The following GRIK4 variants were observed in gnomAD, a reference collection of about 807,000 sequenced individuals.
The protein encoded by GRIK4 is glutamate ionotropic receptor kainate type subunit 4.
Under a neutral mutation model 104.9 loss-of-function variants are expected in GRIK4, and 40 were observed. The observed-to-expected ratio is 0.38, with a 90% CI of 0.30 to 0.50. The LOEUF is 0.50. Among genes scored for constraint, GRIK4 ranks in the 20% least tolerant of loss-of-function variants. The pLI is 0.93. For synonymous variants in GRIK4, 485 were observed against 524.9 expected (o/e 0.92, Z 1.04); for missense variants, 1,047 against 1,308.1 (o/e 0.80, Z 3.08).
At chr11:120,546,040 C>T (rs146897175) in intron 1 of GRIK4, among the ~76,000 whole-genome samples, 17 of 152,250 alleles carry the variant, frequency 1.1e-4, no homozygotes, top group South Asian at 8.3e-4. Context: ...TTCTCCCCTT[C>T]GTGTCTCTGT....
At chr11:120,934,074 G>T (rs1368191124) in intron 13 of GRIK4, among the ~76,000 whole-genome samples, 1 of 151,980 alleles carries the variant, frequency 6.6e-6, no homozygotes. Flanking sequence ...GCATGGTGGC[G>T]GGCGCCTGTA....
At chr11:120,942,452 A>G (rs950524657) in intron 14 of GRIK4, among the ~76,000 whole-genome samples, 2 of 152,186 alleles carry the variant, frequency 1.3e-5, no homozygotes, top group African/African-American at 4.8e-5. Flanking sequence ...TAGCCACTCA[A>G]CTAGGCTCTG....
intron 3 of GRIK4, among the ~76,000 whole-genome samples, chr11:120,801,521 C>T (rs1183673365): frequency 1.3e-5 from 2 of 152,362 alleles, no homozygotes; most frequent in Non-Finnish European, 1.5e-5. Flanking sequence ...GCCATGCGTC[C>T]AGCCACACTT....
chr11:120,827,525 C>T (rs1033611801), intron 6 of GRIK4, among the ~76,000 whole-genome samples: 3 of 152,220 alleles, frequency 2.0e-5, no homozygotes, highest in African/African-American at 7.2e-5. Context: ...GGGAAGAGAG[C>T]AGCTTTTAAC....
chr11:120,986,025 G>A lies in GRIK4; in HGVS notation c.2636G>A (p.Arg879His), dbSNP rs756467292. 6 of 1,525,008 alleles carry A rather than the reference G, an allele frequency of 3.9e-6. No individual in the cohort carries two copies. Among genetic ancestry groups the A allele is most frequent in the Admixed American group, 2.1e-5 (1 of 47,566 alleles). 94.5% of individuals were successfully genotyped at this position (1,525,008 alleles called of 1,614,324 possible). The change falls in exon 21 of 21, where the codon CGC (arginine) becomes CAC (histidine). Residue 879 changes from arginine to histidine, a missense_variant. Around this residue, in one of 3 missense-constraint regions of GRIK4, gnomAD observed 160 missense variants for 140.9 expected, o/e 1.14. Coordinates refer to ENST00000527524, the MANE Select transcript of GRIK4 (RefSeq NM_014619.5). Reference sequence around the variant, plus strand: ...CCCCGGCCCCCCATCCCCGAGGAGCGCCGACCGCGGGGCACGGCGACGCTC... The same window carrying A: ...CCCCGGCCCCCCATCCCCGAGGAGCACCGACCGCGGGGCACGGCGACGCTC... ...PPPRPPIPEE[R>H]RPRGTATLSN... is the part of the protein sequence containing the mutation.
intron 13 of GRIK4, among the ~76,000 whole-genome samples, chr11:120,925,989 A>C (rs1943337113): frequency 6.6e-6 from 1 of 151,532 alleles, no homozygotes; most frequent in Non-Finnish European, 1.5e-5. Flanking sequence ...AAAAAAAAGA[A>C]AGAAAAAAAA....
intron 3 of GRIK4, among the ~76,000 whole-genome samples, chr11:120,668,950 A>G (rs531771567): frequency 1.3e-5 from 2 of 152,340 alleles, no homozygotes; most frequent in Non-Finnish European, 2.9e-5. Context: ...AGTAAGTGCT[A>G]TGAAAGTGAC....
At chr11:120,626,902 T>A (rs1435134933) in intron 1 of GRIK4, among the ~76,000 whole-genome samples, 1 of 152,170 alleles carries the variant, frequency 6.6e-6, no homozygotes, top group African/African-American at 2.4e-5. Context: ...CATGGCTTGA[T>A]GTGATTGACA....
rs143696398 is a variant in GRIK4 at position 120,930,522 on chromosome 11, T to C, written c.1477-9825T>C. Among the ~76,000 whole-genome samples, 635 of 152,238 alleles carry C rather than the reference T, an allele frequency of 4.2e-3. 7 individuals carry two copies. Among genetic ancestry groups the C allele is most frequent in the African/African-American group, 0.015 (603 of 41,534 alleles). On this transcript the variant is annotated intron_variant, in intron 13 of 20. Coordinates refer to ENST00000527524, the MANE Select transcript of GRIK4 (RefSeq NM_014619.5). Reference sequence around the variant, plus strand: ...AGAGAAGTTAAGGTCACGCAGCTCATAGGTGGCAGAGTTGGAGTGTGAGTC... The same window carrying C: ...AGAGAAGTTAAGGTCACGCAGCTCACAGGTGGCAGAGTTGGAGTGTGAGTC...
At chr11:120,607,169 G>C (rs1948972904) in intron 1 of GRIK4, among the ~76,000 whole-genome samples, 1 of 152,180 alleles carries the variant, frequency 6.6e-6, no homozygotes, top group African/African-American at 2.4e-5. Context: ...AGGAGGACAG[G>C]CTTCGGGGAG....
At chr11:120,626,090 G>A (rs529039143) in intron 1 of GRIK4, among the ~76,000 whole-genome samples, 1 of 152,198 alleles carries the variant, frequency 6.6e-6, no homozygotes, top group Non-Finnish European at 1.5e-5. Flanking sequence ...CAGATTCAAA[G>A]TGTCCCCCCG....
intron 3 of GRIK4, among the ~76,000 whole-genome samples, chr11:120,671,335 A>G (rs924454216): frequency 1.3e-5 from 2 of 152,188 alleles, no homozygotes; most frequent in Admixed American, 6.5e-5. Context: ...TAAAAGCATT[A>G]CTATTTCTCC....
rs150462179 is a variant in GRIK4, at chr11:120,760,906, C to T, written c.83-41787C>T. Among the ~76,000 whole-genome samples the T allele has an allele frequency of 3.7e-3, 566 of 152,150 alleles. 3 individuals are homozygous for T. Among genetic ancestry groups the T allele is most frequent in the Non-Finnish European group, 5.5e-3 (371 of 68,010 alleles). The stretch of plus-strand genomic sequence containing the variant: ...CTATTGTGAATAGTGCTGCAGTAAA[C>T]ATATGTGTGCACGTATCTTTAGAGT... On this transcript the variant is annotated intron_variant, in intron 3 of 20. Coordinates refer to ENST00000527524, the MANE Select transcript of GRIK4 (RefSeq NM_014619.5).
intron 1 of GRIK4, among the ~76,000 whole-genome samples, chr11:120,519,567 A>C (rs1947771496): frequency 6.6e-6 from 1 of 152,208 alleles, no homozygotes; most frequent in Admixed American, 6.5e-5. Context: ...TTTACCAGCT[A>C]CCCAGTTTAT....
intron 18 of GRIK4, chr11:120,962,978 C>G (rs1944318198): frequency 7.8e-6 from 2 of 256,822 alleles, no homozygotes; most frequent in Non-Finnish European, 1.5e-5. Context: ...ATGTTAATGT[C>G]TTTGGTGTGT....
At chr11:120,732,938 T>C (rs1242836594) in intron 3 of GRIK4, among the ~76,000 whole-genome samples, 1 of 152,248 alleles carries the variant, frequency 6.6e-6, no homozygotes, top group Non-Finnish European at 1.5e-5. Context: ...AGTGGGGTGT[T>C]GAAATCTCCA....
chr11:120,813,295 G>T (rs543879749), intron 4 of GRIK4, among the ~76,000 whole-genome samples: 3 of 152,268 alleles, frequency 2.0e-5, no homozygotes, highest in East Asian at 1.9e-4. Context: ...CGTCTCTGGG[G>T]TGCTGTGTCC....
At chr11:120,682,633 C>T (rs1357800360) in intron 3 of GRIK4, among the ~76,000 whole-genome samples, 1 of 151,310 alleles carries the variant, frequency 6.6e-6, no homozygotes, top group South Asian at 2.1e-4. Context: ...CCTATTTATC[C>T]TACAGGTAAA....
At chr11:120,710,789 G>GC (rs1950718980) in intron 3 of GRIK4, among the ~76,000 whole-genome samples, 1 of 152,326 alleles carries the variant, frequency 6.6e-6, no homozygotes, top group South Asian at 2.1e-4. Context: ...AGCTGTTGCT[G>GC]CATCACCATT....
Sources: gnomAD v4.1 joint callset for allele counts (sites outside exome capture counted in the v4.1 genomes callset) on GRCh38, gnomAD v4.1.1 for gene constraint, gnomAD v4.1.1 regional missense constraint, MANE v1.5 for transcripts, NCBI Gene and HGNC (gene_info 2026-07-23, HGNC 2026-07-21) for gene names.